SNTG2: variants seen among roughly 807,000 people sequenced by gnomAD.
SNTG2 encodes the protein gamma-2-syntrophin.
In SNTG2, 74 loss-of-function variants were observed where a neutral mutation model predicts 70.9. The ratio of observed to expected loss-of-function variants is 1.04; its 90% CI spans 0.86 to 1.27. The LOEUF (loss-of-function observed/expected upper bound fraction) is 1.27, where lower values mean the gene tolerates loss of function less well. Ranked by LOEUF, SNTG2 falls within the 50% of genes most tolerant of loss-of-function variation. The pLI is 0.00. For synonymous variants in SNTG2, 278 were observed against 273.8 expected (o/e 1.02, Z -0.15); for missense variants, 717 against 690.7 (o/e 1.04, Z -0.43).
chr2:1,348,224 CA>C (rs890197547), intron 16 of SNTG2, among the ~76,000 whole-genome samples: 4 of 152,060 alleles, frequency 2.6e-5, no homozygotes, highest in African/African-American at 9.7e-5. Context: ...ATTTGTAAAC[CA>C]AAAATAAAAT....
intron 4 of SNTG2, among the ~76,000 whole-genome samples, chr2:1,129,339 T>G (rs1270054092): frequency 1.3e-5 from 2 of 152,262 alleles, no homozygotes; most frequent in African/African-American, 4.8e-5. Flanking sequence ...CTGCATGTCC[T>G]GCAAACATGC....
intron 9 of SNTG2, chr2:1,219,951 A>G (rs567076074): frequency 2.0e-5 from 3 of 152,374 alleles, no homozygotes; most frequent in South Asian, 2.1e-4. Flanking sequence ...CAGACCTACT[A>G]CAGATAAGCA....
At chr2:1,134,072 T>C (rs1645315028) in intron 4 of SNTG2, among the ~76,000 whole-genome samples, 1 of 151,864 alleles carries the variant, frequency 6.6e-6, no homozygotes, top group Admixed American at 6.6e-5. Context: ...CTTAAGGCGG[T>C]GCGTCTGGAG....
At chr2:1,236,769 C>T (rs572101445) in intron 9 of SNTG2, among the ~76,000 whole-genome samples, 3 of 152,298 alleles carry the variant, frequency 2.0e-5, no homozygotes, top group African/African-American at 7.2e-5. Flanking sequence ...CACACCCCAC[C>T]TTGCCTAAGA....
chr2:1,000,650 A>G (rs1661834760), intron 1 of SNTG2, among the ~76,000 whole-genome samples: 1 of 151,862 alleles, frequency 6.6e-6, no homozygotes, highest in Non-Finnish European at 1.5e-5. Flanking sequence ...AAACAAGTCC[A>G]GGATCAGACA....
intron 1 of SNTG2, among the ~76,000 whole-genome samples, chr2:1,053,949 A>C (rs1249478309): frequency 8.7e-6 from 1 of 115,408 alleles, no homozygotes; most frequent in Non-Finnish European, 1.6e-5. Context: ...TCTTGCTTCC[A>C]TATGAGTGGG....
chr2:1,270,591 T>TGA (rs1298413805), intron 14 of SNTG2, among the ~76,000 whole-genome samples: 1 of 152,218 alleles, frequency 6.6e-6, no homozygotes, highest in African/African-American at 2.4e-5. Context: ...ATTGCTGTCT[T>TGA]GAGAGTCACG....
rs56118562 is a variant in SNTG2, at chr2:1,014,364, A to T, written c.72+63296A>T. 8.4e-4 allele frequency among the ~76,000 whole-genome samples: 58 copies of T among 68,820 alleles called. 2 individuals are homozygous for T. Among genetic ancestry groups the T allele is most frequent in the African/African-American group, 2.6e-3 (52 of 19,692 alleles). The allele number at this position is 68,820 out of a possible 152,430, so 45.1% of individuals were successfully genotyped here. Reference sequence around the variant, plus strand: ...AGGGTGGTCTGGAGAGGGATTTATAAGGACAGAGAGAAGGGTGGTCTGGAA... The same window carrying T: ...AGGGTGGTCTGGAGAGGGATTTATATGGACAGAGAGAAGGGTGGTCTGGAA... On this transcript the variant is annotated intron_variant, in intron 1 of 16. Coordinates refer to ENST00000308624, the MANE Select transcript of SNTG2 (RefSeq NM_018968.4).
At chr2:1,116,551 TG>T (rs559563579) in intron 4 of SNTG2, among the ~76,000 whole-genome samples, 255 of 143,286 alleles carry the variant, frequency 1.8e-3, no homozygotes, top group African/African-American at 6.5e-3. Context: ...CCCTGGTGTG[TG>T]GGTGCTCTGG....
intron 1 of SNTG2, 101 bp downstream of exon 1, chr2:951,169 C>T (rs1418174447): frequency 5.6e-6 from 3 of 540,230 alleles, no homozygotes; most frequent in East Asian, 3.6e-5. Flanking sequence ...CCCTCGCTCC[C>T]CGCGACCCCT....
At chr2:1,266,062 CAGAG>C (rs897541791) in intron 13 of SNTG2, among the ~76,000 whole-genome samples, 2 of 151,594 alleles carry the variant, frequency 1.3e-5, no homozygotes, top group Non-Finnish European at 2.9e-5. Flanking sequence ...CAGACAGAGA[CAGAG>C]AGAAGGATAG....
At position 1,316,277 on chromosome 2, in the gene SNTG2, A is replaced by C; in HGVS notation, c.1390A>C (p.Arg464=). 2.6e-6 allele frequency: 4 copies of C among 1,531,636 alleles called. No individual in the cohort carries two copies. Among genetic ancestry groups the C allele is most frequent in the Non-Finnish European group, 3.5e-6 (4 of 1,130,146 alleles). The allele number at this position is 1,531,636 out of a possible 1,614,324, so 94.9% of individuals were successfully genotyped here. A position where few individuals can be genotyped will look rare whatever the true frequency, so the allele number is the denominator to read the frequency against. The change falls in exon 16 of 17, where the codon AGA becomes CGA. Residue 464 remains arginine, a synonymous_variant. Coordinates refer to ENST00000308624, the MANE Select transcript of SNTG2 (RefSeq NM_018968.4). ...TATTCCTTTACAGAATGTGCTCTGG[A>C]GATTTAAATTTTCCCAGCTTAAGGG... ...FESKTKNVLW[R]FKFSQLKGSS...
Position 1,230,869 on chromosome 2 carries a change from A to G in SNTG2, c.720-7019A>G, listed in dbSNP as rs574566515. ...TGCAGGGGTGAAATAGATCTGAAAC[A>G]TAAGTTACTTAGGATAATGACAGTG... On this transcript the variant is annotated intron_variant, in intron 9 of 16. Transcript: ENST00000308624. Among the ~76,000 whole-genome samples the G allele has an allele frequency of 3.4e-4, 51 of 149,128 alleles. 1 individual carries two copies. The South Asian group carries it at 8.6e-3, about 25-fold the overall frequency.
At chr2:1,069,161 C>T (rs1402641328) in intron 1 of SNTG2, among the ~76,000 whole-genome samples, 1 of 152,096 alleles carries the variant, frequency 6.6e-6, no homozygotes, top group Non-Finnish European at 1.5e-5. Context: ...GGTCTTATCT[C>T]TGATATTTTA....
chr2:1,167,672 G>A (rs1206152727), intron 7 of SNTG2, among the ~76,000 whole-genome samples: 4 of 78,968 alleles, frequency 5.1e-5, no homozygotes, highest in African/African-American at 9.8e-5. Flanking sequence ...GCCCACAGAC[G>A]GCAGAACTGA....
chr2:1,076,346 G>A (rs1451894227), intron 1 of SNTG2, among the ~76,000 whole-genome samples: 1 of 152,118 alleles, frequency 6.6e-6, no homozygotes, highest in African/African-American at 2.4e-5. Flanking sequence ...TCCTCCCCGT[G>A]CCTCTTCCTG....
chr2:1,213,929 A>G (rs1435304357), intron 9 of SNTG2, among the ~76,000 whole-genome samples: 1 of 151,164 alleles, frequency 6.6e-6, no homozygotes, highest in Non-Finnish European at 1.5e-5. Flanking sequence ...ATTTTTGCAT[A>G]TGGTGTGAGA....
intron 4 of SNTG2, among the ~76,000 whole-genome samples, chr2:1,117,755 C>T (rs1055362952): frequency 6.6e-6 from 1 of 152,218 alleles, no homozygotes; most frequent in African/African-American, 2.4e-5. Flanking sequence ...CCTTGTGGGC[C>T]CCAGGCTGCG....
intron 16 of SNTG2, among the ~76,000 whole-genome samples, chr2:1,329,338 A>G (rs1480868609): frequency 6.6e-6 from 1 of 152,242 alleles, no homozygotes; most frequent in Non-Finnish European, 1.5e-5. Context: ...ATGTGCACAG[A>G]TGACTCAAAA....
Sources: allele counts gnomAD v4.1 joint callset (sites outside exome capture counted in the v4.1 genomes callset), GRCh38; gene constraint gnomAD v4.1.1; transcripts MANE v1.5; gene names NCBI Gene and HGNC (gene_info 2026-07-23, HGNC 2026-07-21).